ZNF2: variants seen among roughly 807,000 people sequenced by gnomAD.
The protein encoded by ZNF2 is zinc finger protein 2.2.
In ZNF2, 12 loss-of-function variants were observed where a neutral mutation model predicts 21.9. The observed-to-expected ratio is 0.55, with a 90% confidence interval of 0.35 to 0.89. ZNF2 has a LOEUF of 0.89. Among genes scored for constraint, ZNF2 ranks in the 40% least tolerant of loss-of-function variants. The probability of loss-of-function intolerance (pLI) is 0.01; values close to 1 mark genes in which losing one functional copy is unlikely to be tolerated. For missense variants in ZNF2, 462 were observed against 544.2 expected, an observed-to-expected ratio of 0.85 and a Z score of 1.50; for synonymous variants, 186 against 196.3, an observed-to-expected ratio of 0.95 and a Z score of 0.44.
intron 1 of ZNF2, among the ~76,000 whole-genome samples, chr2:95,169,225 G>A (rs1473217769): frequency 6.6e-6 from 1 of 152,118 alleles, no homozygotes; most frequent in Non-Finnish European, 1.5e-5. Flanking sequence ...TTAATAACTG[G>A]GGAGCTTATA....
chr2:95,182,921 C>G lies in ZNF2; in HGVS notation c.*815C>G, dbSNP rs1674730175. ...GTGTGACTTACAGGTCTTTGTATCT[C>G]ACACAGTGCCTTGCTAATAGGTGCT... On this transcript the variant is annotated 3_prime_UTR_variant, in exon 5 of 5. Coordinates refer to ENST00000614034, the MANE Select transcript of ZNF2 (RefSeq NM_021088.4). The G allele has an allele frequency of 6.6e-6, 1 of 152,220 alleles. No individual in the cohort carries two copies. Among genetic ancestry groups the G allele is most frequent in the Non-Finnish European group, 1.5e-5 (1 of 68,046 alleles). 9.4% of individuals were successfully genotyped at this position (152,220 alleles called of 1,614,324 possible). A position where few individuals can be genotyped will look rare whatever the true frequency, so the allele number is the denominator to read the frequency against.
intron 1 of ZNF2, among the ~76,000 whole-genome samples, chr2:95,175,814 T>C (rs193302166): frequency 5.6e-4 from 85 of 152,354 alleles, no homozygotes; most frequent in African/African-American, 1.9e-3. Context: ...GTCTTTGATA[T>C]GTCTTGTCCA....
At position 95,182,234 on chromosome 2, in the gene ZNF2, A is replaced by C. The variant is rs1158874383; in HGVS notation, c.*128A>C. On this transcript the variant is annotated 3_prime_UTR_variant, in exon 5 of 5. Coordinates refer to ENST00000614034, the MANE Select transcript of ZNF2 (RefSeq NM_021088.4). ...CGTTGTCCTGTCCTGCTTCTGCGCC[A>C]GAGTGTTTAATAAGCACTCCCTTCC... The C allele has an allele frequency of 4.9e-6, 6 of 1,216,928 alleles. No individual in the cohort carries two copies. The highest frequency in any genetic ancestry group is 6.8e-6 in the Non-Finnish European group (6 of 884,110). The allele number at this position is 1,216,928 out of a possible 1,614,324, so 75.4% of individuals were successfully genotyped here. A position where few individuals can be genotyped will look rare whatever the true frequency, so the allele number is the denominator to read the frequency against.
At chr2:95,178,725 A>G (rs1674533504) in intron 3 of ZNF2, among the ~76,000 whole-genome samples, 1 of 152,232 alleles carries the variant, frequency 6.6e-6, no homozygotes, top group South Asian at 2.1e-4. Flanking sequence ...TCCTAAGGAA[A>G]TAATAGGACT....
intron 1 of ZNF2, among the ~76,000 whole-genome samples, chr2:95,172,744 C>A (rs1674320951): frequency 6.7e-6 from 1 of 149,902 alleles, no homozygotes; most frequent in Non-Finnish European, 1.5e-5. Flanking sequence ...TCAAGCAATT[C>A]TCCTGCCTCA....
chr2:95,174,503 T>G (rs1674377856), intron 1 of ZNF2, among the ~76,000 whole-genome samples: 1 of 152,212 alleles, frequency 6.6e-6, no homozygotes, highest in Non-Finnish European at 1.5e-5. Flanking sequence ...TTTTTGTTGT[T>G]AATCCTTTCC....
At chr2:95,175,423 C>G (rs896741613) in intron 1 of ZNF2, among the ~76,000 whole-genome samples, 1 of 152,158 alleles carries the variant, frequency 6.6e-6, no homozygotes, top group African/African-American at 2.4e-5. Flanking sequence ...CTGGGCTTCC[C>G]CCTGCCTGCC....
intron 2 of ZNF2, among the ~76,000 whole-genome samples, chr2:95,176,638 T>C (rs1316202916): frequency 2.0e-5 from 3 of 152,142 alleles, no homozygotes; most frequent in African/African-American, 7.2e-5. Context: ...GGGGCTAGGC[T>C]GGGGCGTGTG....
Position 95,177,563 on chromosome 2 carries a change from C to CT in ZNF2, c.115dup (p.Tyr39LeufsTer10). ...GTCTGGTCCCCATACAGAGGGACCT[C>CT]TACAAGGAGGTGATGCTGGAGAACT... is the stretch of plus-strand genomic sequence containing the variant. On this transcript the variant is annotated frameshift_variant, in exon 3 of 5. Transcript: ENST00000614034. LOFTEE classifies it high-confidence loss of function. 2 of 1,614,068 alleles carry CT rather than the reference C, an allele frequency of 1.2e-6. No individual in the cohort carries two copies. Among genetic ancestry groups the CT allele is most frequent in the Non-Finnish European group, 1.7e-6 (2 of 1,180,000 alleles).
chr2:95,173,957 T>C (rs1674361181), intron 1 of ZNF2, among the ~76,000 whole-genome samples: 1 of 152,168 alleles, frequency 6.6e-6, no homozygotes, highest in South Asian at 2.1e-4. Context: ...GATCCGCATG[T>C]CTTGGCCTCC....
intron 4 of ZNF2, among the ~76,000 whole-genome samples, chr2:95,180,654 G>A (rs1203794101): frequency 6.6e-6 from 1 of 152,072 alleles, no homozygotes; most frequent in Non-Finnish European, 1.5e-5. Flanking sequence ...GGGATTACAG[G>A]CACCCGCTAC....
At chr2:95,180,980 C>A in intron 4 of ZNF2, 123 bp from the exon 5 acceptor site, 1 of 1,211,670 alleles carries the variant, frequency 8.3e-7, no homozygotes, top group South Asian at 1.5e-5. Context: ...CCGTGTAAGA[C>A]TATCTATGGG....
chr2:95,178,998 T>TG (rs1674545736), intron 3 of ZNF2, among the ~76,000 whole-genome samples: 1 of 151,032 alleles, frequency 6.6e-6, no homozygotes, highest in African/African-American at 2.4e-5. Flanking sequence ...TTTTTGTTTT[T>TG]TTTTTTTTTT....
intron 3 of ZNF2, among the ~76,000 whole-genome samples, chr2:95,178,974 T>A (rs1041701751): frequency 2.0e-5 from 3 of 151,544 alleles, no homozygotes; most frequent in Non-Finnish European, 4.4e-5. Context: ...CATTTCATTA[T>A]CCAGGTTTGG....
chr2:95,178,144 T>A (rs1674511557), intron 3 of ZNF2, among the ~76,000 whole-genome samples: 1 of 152,150 alleles, frequency 6.6e-6, no homozygotes, highest in East Asian at 1.9e-4. Flanking sequence ...GAAGACACTT[T>A]GTAATTATAG....
At chr2:95,170,368 T>G (rs2104495765) in intron 1 of ZNF2, among the ~76,000 whole-genome samples, 1 of 152,354 alleles carries the variant, frequency 6.6e-6, no homozygotes, top group Admixed American at 6.5e-5. Context: ...CCAATAAGTT[T>G]TTGCTTTTCA....
intron 1 of ZNF2, among the ~76,000 whole-genome samples, chr2:95,170,346 A>G (rs1423203438): frequency 7.9e-5 from 12 of 152,188 alleles, no homozygotes; most frequent in Non-Finnish European, 1.3e-4. Context: ...ATACTTAGCT[A>G]AACTTGTTTT....
intron 2 of ZNF2, among the ~76,000 whole-genome samples, chr2:95,176,581 A>G (rs552134939): frequency 6.6e-6 from 1 of 152,264 alleles, no homozygotes; most frequent in African/African-American, 2.4e-5. Flanking sequence ...TCCCTTTGGT[A>G]CATTCATGTG....
chr2:95,175,078 G>T (rs865903591), intron 1 of ZNF2, among the ~76,000 whole-genome samples: 1 of 151,932 alleles, frequency 6.6e-6, no homozygotes, highest in African/African-American at 2.4e-5. Context: ...TTGCTATGTT[G>T]CCCAGGCTGG....
Sources: gnomAD v4.1 joint callset for allele counts (sites outside exome capture counted in the v4.1 genomes callset) on GRCh38, gnomAD v4.1.1 for gene constraint, MANE v1.5 for transcripts, NCBI Gene and HGNC (gene_info 2026-07-23, HGNC 2026-07-21) for gene names.